RAB27B: variants seen among roughly 807,000 people sequenced by gnomAD.
RAB27B encodes the protein RAB27B, member RAS oncogene family.
In RAB27B, 15 loss-of-function variants were observed where a neutral mutation model predicts 24.6. The observed-to-expected ratio is 0.61, with a 90% CI of 0.41 to 0.94. RAB27B has a LOEUF of 0.94. Among genes scored for constraint, RAB27B ranks in the 40% least tolerant of loss-of-function variants. RAB27B has a pLI of 0.00. For missense variants in RAB27B, 261 were observed against 266.8 expected, an observed-to-expected ratio of 0.98 and a Z score of 0.15; for synonymous variants, 105 against 92.5, an observed-to-expected ratio of 1.14 and a Z score of -0.78.
intron 4 of RAB27B, 71 bp from the exon 5 acceptor site, chr18:54,887,923 TG>T (rs1913210636): frequency 6.5e-7 from 1 of 1,528,308 alleles, no homozygotes; most frequent in South Asian, 1.3e-5. Flanking sequence ...ATCAGGAATC[TG>T]GAATAAGAGC....
chr18:54,765,746 C>T (rs1339585588), intron 2 of RAB27B, among the ~76,000 whole-genome samples: 5 of 152,166 alleles, frequency 3.3e-5, no homozygotes, highest in Admixed American at 1.3e-4. Flanking sequence ...ACTTCAACCA[C>T]ACAATTAGCT....
intron 2 of RAB27B, among the ~76,000 whole-genome samples, chr18:54,733,097 G>T (rs980873661): frequency 6.6e-6 from 1 of 152,124 alleles, no homozygotes; most frequent in Non-Finnish European, 1.5e-5. Context: ...CCAGGCTGGA[G>T]TGTGGTGGCA....
At position 54,893,222 on chromosome 18, in the gene RAB27B, C is replaced by A. The variant is rs764846675; in HGVS notation, c.*3809C>A. Reference sequence around the variant, plus strand: ...TTTCCTCATTGCATATTACACCAAACGTTTGAGGGAAAAATCCTCATTCGT... The same window carrying A: ...TTTCCTCATTGCATATTACACCAAAAGTTTGAGGGAAAAATCCTCATTCGT... On this transcript the variant is annotated 3_prime_UTR_variant, in exon 6 of 6. Coordinates refer to ENST00000262094, the MANE Select transcript of RAB27B (RefSeq NM_004163.4). The A allele has an allele frequency of 6.6e-6, 1 of 151,926 alleles. No individual in the cohort carries two copies. Among genetic ancestry groups the A allele is most frequent in the Non-Finnish European group, 1.5e-5 (1 of 67,920 alleles). 9.4% of individuals were successfully genotyped at this position (151,926 alleles called of 1,614,324 possible).
intron 1 of RAB27B, among the ~76,000 whole-genome samples, chr18:54,831,486 A>G (rs760493234): frequency 1.3e-5 from 2 of 152,228 alleles, no homozygotes; most frequent in Non-Finnish European, 2.9e-5. Context: ...TGATTTAGAT[A>G]TAGCCCGTTG....
At chr18:54,762,916 A>G (rs1908238085) in intron 2 of RAB27B, among the ~76,000 whole-genome samples, 1 of 152,162 alleles carries the variant, frequency 6.6e-6, no homozygotes, top group Non-Finnish European at 1.5e-5. Flanking sequence ...TGGGGGGTTC[A>G]GTGTGTGTCA....
Position 54,724,521 on chromosome 18 carries a change from C to T in RAB27B, c.-20+6380C>T, listed in dbSNP as rs1014154510. 1.3e-5 allele frequency among the ~76,000 whole-genome samples: 2 copies of T among 151,092 alleles called. 1 individual carries two copies. Among genetic ancestry groups the T allele is most frequent in the Non-Finnish European group, 3.0e-5 (2 of 67,634 alleles). ...GGGGGATAACTTGAGATCAGGAGTT[C>T]GAGACCAGCCTGGCCAACATGGTGA... is the stretch of plus-strand genomic sequence containing the variant. On this transcript the variant is annotated intron_variant, in intron 2 of 4. Coordinates refer to the RAB27B transcript ENST00000586570.
At chr18:54,874,584 G>A (rs1912617481) in intron 1 of RAB27B, among the ~76,000 whole-genome samples, 3 of 149,524 alleles carry the variant, frequency 2.0e-5, no homozygotes, top group Non-Finnish European at 1.5e-5. Context: ...AAAAAAGTTA[G>A]CTTTAAGCAA....
chr18:54,801,022 T>TTTTG, intron 2 of RAB27B, among the ~76,000 whole-genome samples: 1 of 145,482 alleles, frequency 6.9e-6, no homozygotes, highest in South Asian at 2.2e-4. Flanking sequence ...TTTTTTTTTT[T>TTTTG]TTTTTTTTTT....
At chr18:54,884,134 G>C (rs1913035073) in intron 3 of RAB27B, among the ~76,000 whole-genome samples, 199 bp from the exon 4 acceptor site, 1 of 151,304 alleles carries the variant, frequency 6.6e-6, no homozygotes, top group East Asian at 1.9e-4. Flanking sequence ...GCCAGGAAGT[G>C]GTCTTAAAAA....
intron 1 of RAB27B, among the ~76,000 whole-genome samples, chr18:54,874,088 A>AG (rs1316778059): frequency 6.6e-6 from 1 of 152,216 alleles, no homozygotes; most frequent in African/African-American, 2.4e-5. Context: ...TATGTACAAA[A>AG]GACAGAGAAC....
At chr18:54,749,914 T>G (rs188761166) in intron 2 of RAB27B, among the ~76,000 whole-genome samples, 1 of 152,328 alleles carries the variant, frequency 6.6e-6, no homozygotes, top group Non-Finnish European at 1.5e-5. Context: ...GTGCTCTTTG[T>G]TTTGGACTTT....
chr18:54,763,772 C>G (rs577301378), intron 2 of RAB27B, among the ~76,000 whole-genome samples: 1 of 152,260 alleles, frequency 6.6e-6, no homozygotes, highest in African/African-American at 2.4e-5. Context: ...CTGGGCACAT[C>G]CATTTTAAGT....
At chr18:54,864,628 T>G (rs1912139338) in intron 1 of RAB27B, among the ~76,000 whole-genome samples, 1 of 152,150 alleles carries the variant, frequency 6.6e-6, no homozygotes, top group South Asian at 2.1e-4. Context: ...TTTAATTTAA[T>G]TTTTCTATAA....
intron 4 of RAB27B, among the ~76,000 whole-genome samples, chr18:54,885,291 A>G (rs2145288235): frequency 6.6e-6 from 1 of 152,128 alleles, no homozygotes; most frequent in South Asian, 2.1e-4. Context: ...CTAGAGTTGT[A>G]TTTTTTAAAA....
intron 2 of RAB27B, among the ~76,000 whole-genome samples, chr18:54,771,589 TTAGTGTGTGTG>T (rs1322343380): frequency 8.7e-6 from 1 of 114,820 alleles, no homozygotes; most frequent in African/African-American, 3.6e-5. Context: ...AGCTGATAGT[TTAGTGTGTGTG>T]TGTGTGTGTG....
At chr18:54,757,214 A>C (rs1268676492) in intron 2 of RAB27B, among the ~76,000 whole-genome samples, 8 of 152,202 alleles carry the variant, frequency 5.3e-5, no homozygotes, top group Admixed American at 5.2e-4. Context: ...TTAAAAGGAC[A>C]TCAGAGTCAG....
At chr18:54,749,184 T>G (rs1241567989) in intron 2 of RAB27B, among the ~76,000 whole-genome samples, 5 of 152,170 alleles carry the variant, frequency 3.3e-5, no homozygotes. Flanking sequence ...GCATTTCTTT[T>G]GCAAAGAATC....
chr18:54,858,689 CTT>C (rs1208403326), intron 1 of RAB27B, among the ~76,000 whole-genome samples: 1 of 152,076 alleles, frequency 6.6e-6, no homozygotes, highest in Admixed American at 6.6e-5. Context: ...CAGGAAAACT[CTT>C]GAGTTTAGCT....
intron 2 of RAB27B, among the ~76,000 whole-genome samples, chr18:54,774,540 C>G (rs1908656183): frequency 6.6e-6 from 1 of 152,186 alleles, no homozygotes; most frequent in Non-Finnish European, 1.5e-5. Flanking sequence ...AGCTTAACCT[C>G]TAGAATATCC....
Sources: allele counts gnomAD v4.1 joint callset (sites outside exome capture counted in the v4.1 genomes callset), GRCh38; gene constraint gnomAD v4.1.1; transcripts MANE v1.5; gene names NCBI Gene and HGNC (gene_info 2026-07-23, HGNC 2026-07-21).